FHIT: variants seen among roughly 807,000 people sequenced by gnomAD.
The protein encoded by FHIT is bis(5'-adenosyl)-triphosphatase.
In FHIT, 19 loss-of-function variants were observed where a neutral mutation model predicts 17.9. That is an observed-to-expected ratio of 1.06 (90% CI 0.74 to 1.56). The LOEUF is 1.56. Among genes scored for constraint, FHIT ranks in the 40% most tolerant of loss-of-function variants. The probability of loss-of-function intolerance (pLI) is 0.00; values close to 1 mark genes in which losing one functional copy is unlikely to be tolerated. For missense variants in FHIT, 248 were observed against 189.2 expected (o/e 1.31, Z -1.82); for synonymous variants, 81 against 69.7 (o/e 1.16, Z -0.81).
At chr3:60,587,953 TCTC>T (rs1410798899) in intron 4 of FHIT, among the ~76,000 whole-genome samples, 11 of 151,284 alleles carry the variant, frequency 7.3e-5, no homozygotes, top group African/African-American at 2.7e-4. Flanking sequence ...CAATGCCCCT[TCTC>T]CTTTTTTTTT....
chr3:60,284,011 A>G (rs1234900083), intron 5 of FHIT, among the ~76,000 whole-genome samples: 1 of 152,070 alleles, frequency 6.6e-6, no homozygotes, highest in Non-Finnish European at 1.5e-5. Context: ...GTTGAGATAG[A>G]CAGCTCTGCC....
intron 4 of FHIT, among the ~76,000 whole-genome samples, chr3:60,766,288 T>G (rs1479980560): frequency 6.6e-6 from 1 of 152,128 alleles, no homozygotes; most frequent in African/African-American, 2.4e-5. Context: ...TTTCTGAAAA[T>G]TCTTCATGTG....
rs191367449 is a variant in FHIT at position 61,032,889 on chromosome 3, C to T, written c.-111+9158G>A. ...AGGAAAGCAGGAGGTATAGTTCCAG[C>T]CCAAGCCCAGGGGCCTGTGAACCAG... On this transcript the variant is annotated intron_variant, in intron 3 of 9. Transcript: ENST00000492590. 3.0e-4 allele frequency among the ~76,000 whole-genome samples: 46 copies of T among 152,304 alleles called. No homozygotes were observed. In the East Asian group the frequency reaches 8.7e-3, roughly 29 times the overall value.
intron 2 of FHIT, among the ~76,000 whole-genome samples, chr3:61,052,760 C>A (rs2034073377): frequency 6.6e-6 from 1 of 152,096 alleles, no homozygotes; most frequent in Non-Finnish European, 1.5e-5. Flanking sequence ...ATTGTTAGAT[C>A]CATGCTTAGA....
intron 4 of FHIT, among the ~76,000 whole-genome samples, chr3:60,604,757 C>T (rs1024107950): frequency 6.6e-6 from 1 of 152,290 alleles, no homozygotes; most frequent in East Asian, 1.9e-4. Context: ...CTCATTTTCC[C>T]TCTCACTTAC....
chr3:60,869,475 C>T (rs1553754546), intron 3 of FHIT, among the ~76,000 whole-genome samples: 4 of 152,112 alleles, frequency 2.6e-5, no homozygotes, highest in Non-Finnish European at 5.9e-5. Flanking sequence ...ATATGGTTGT[C>T]CACAGATCTC....
At chr3:60,760,153 T>A (rs1268212694) in intron 4 of FHIT, among the ~76,000 whole-genome samples, 1 of 152,152 alleles carries the variant, frequency 6.6e-6, no homozygotes, top group Non-Finnish European at 1.5e-5. Flanking sequence ...CATCTTCATA[T>A]CCTCTCAGAA....
chr3:59,881,993 A>C (rs1447151530), intron 8 of FHIT, among the ~76,000 whole-genome samples: 1 of 152,220 alleles, frequency 6.6e-6, no homozygotes, highest in East Asian at 1.9e-4. Context: ...GGAATTATTC[A>C]CATGAAGAAC....
At chr3:61,072,166 G>A (rs567611603) in intron 2 of FHIT, among the ~76,000 whole-genome samples, 1 of 152,260 alleles carries the variant, frequency 6.6e-6, no homozygotes, top group Non-Finnish European at 1.5e-5. Context: ...TGTTGGGAGA[G>A]TTAAATGAGG....
chr3:60,482,766 G>A (rs1225949377), intron 5 of FHIT, among the ~76,000 whole-genome samples: 1 of 151,808 alleles, frequency 6.6e-6, no homozygotes, highest in Admixed American at 6.6e-5. Context: ...ACAATTAAAA[G>A]AGCTAGAGAG....
intron 8 of FHIT, among the ~76,000 whole-genome samples, chr3:59,897,384 C>T (rs1160666473): frequency 1.3e-5 from 2 of 152,188 alleles, no homozygotes; most frequent in African/African-American, 4.8e-5. Flanking sequence ...GAATCCCCTT[C>T]CTCTTCCTGT....
intron 8 of FHIT, among the ~76,000 whole-genome samples, chr3:59,866,513 CAG>C (rs1181041501): frequency 1.3e-5 from 2 of 152,144 alleles, no homozygotes; most frequent in Non-Finnish European, 2.9e-5. Context: ...TTCTTCCACA[CAG>C]AGAGTAGATT....
chr3:60,206,846 G>A (rs1426452594), intron 5 of FHIT, among the ~76,000 whole-genome samples: 4 of 152,002 alleles, frequency 2.6e-5, no homozygotes. Context: ...TTAATTTGGT[G>A]TCCACTGTAC....
rs79444289 is a variant in FHIT, at chr3:60,527,810, G to A, written c.103+9050C>T. ...AACTTCTCAGGACACCCACCCCACC[G>A]TACATAGAAGTTTGCAGCACATGTG... On this transcript the variant is annotated intron_variant, in intron 5 of 9. Coordinates refer to ENST00000492590, the MANE Select transcript of FHIT (RefSeq NM_002012.4). Among the ~76,000 whole-genome samples the A allele has an allele frequency of 9.2e-4, 140 of 152,256 alleles. 1 individual carries two copies. In the East Asian group the frequency reaches 0.019, roughly 21 times the overall value.
At chr3:60,951,075 A>T (rs1404792529) in intron 3 of FHIT, among the ~76,000 whole-genome samples, 1 of 152,194 alleles carries the variant, frequency 6.6e-6, no homozygotes, top group East Asian at 1.9e-4. Flanking sequence ...TTGCAGCTGA[A>T]CACATTCCTG....
At chr3:60,544,398 CTGA>C (rs1360581447) in intron 4 of FHIT, among the ~76,000 whole-genome samples, 1 of 151,924 alleles carries the variant, frequency 6.6e-6, no homozygotes, top group Non-Finnish European at 1.5e-5. Context: ...TCCTATATCA[CTGA>C]TGACACAATT....
chr3:60,672,417 C>T (rs2040528101), intron 4 of FHIT, among the ~76,000 whole-genome samples: 1 of 151,840 alleles, frequency 6.6e-6, no homozygotes, highest in African/African-American at 2.4e-5. Context: ...GCAAGGTGCT[C>T]AGTGGGGGTG....
chr3:60,793,454 T>G (rs868912399), intron 4 of FHIT, among the ~76,000 whole-genome samples: 2 of 152,038 alleles, frequency 1.3e-5, no homozygotes, highest in Non-Finnish European at 2.9e-5. Flanking sequence ...AGGTGCCTGC[T>G]ACCACGCCCA....
chr3:60,335,296 C>T (rs1710180198), intron 5 of FHIT, among the ~76,000 whole-genome samples: 3 of 152,170 alleles, frequency 2.0e-5, no homozygotes, highest in East Asian at 1.9e-4. Flanking sequence ...TTGAATTGCA[C>T]CAAAAATATC....
Sources: allele counts gnomAD v4.1 joint callset (sites outside exome capture counted in the v4.1 genomes callset), GRCh38; gene constraint gnomAD v4.1.1; transcripts MANE v1.5; gene names NCBI Gene and HGNC (gene_info 2026-07-23, HGNC 2026-07-21).